MED4: variants seen among roughly 807,000 people sequenced by gnomAD.
The protein encoded by MED4 is mediator of RNA polymerase II transcription subunit 4.
Under a neutral mutation model 35.0 loss-of-function variants are expected in MED4, and 21 were observed. That is an observed-to-expected ratio of 0.60 (90% CI 0.43 to 0.86). The LOEUF is 0.86. MED4 is among the 40% of genes least tolerant of loss of function. The pLI, the probability that MED4 is intolerant of heterozygous loss-of-function variation, is 0.00. For synonymous variants in MED4, 138 were observed against 114.0 expected (o/e 1.21, Z -1.34); for missense variants, 300 against 319.4 (o/e 0.94, Z 0.46).
chr13:48,086,821 G>C (rs112495585), intron 2 of MED4, among the ~76,000 whole-genome samples: 1 of 151,850 alleles, frequency 6.6e-6, no homozygotes, highest in Admixed American at 6.6e-5. Flanking sequence ...AGGCTGATGC[G>C]GGCAGATCAC....
At chr13:48,094,307 G>T (rs991555555) in intron 1 of MED4, among the ~76,000 whole-genome samples, 1 of 152,148 alleles carries the variant, frequency 6.6e-6, no homozygotes, top group Admixed American at 6.5e-5. Context: ...GTCAAGGAAG[G>T]CTTCAACTTG....
At chr13:48,086,785 C>T (rs997788108) in intron 2 of MED4, among the ~76,000 whole-genome samples, 2 of 152,306 alleles carry the variant, frequency 1.3e-5, no homozygotes, top group Admixed American at 6.5e-5. Context: ...CACAGTGACT[C>T]ATGCCTGTAA....
At chr13:48,082,539 G>C (rs2137831534) in intron 4 of MED4, among the ~76,000 whole-genome samples, 1 of 152,224 alleles carries the variant, frequency 6.6e-6, no homozygotes, top group East Asian at 1.9e-4. Context: ...AAGAATATTA[G>C]CTATTTGGCT....
chr13:48,081,156 T>G (rs1274401955), intron 5 of MED4, among the ~76,000 whole-genome samples: 1 of 152,252 alleles, frequency 6.6e-6, no homozygotes, highest in African/African-American at 2.4e-5. Context: ...ACTGTCAATA[T>G]AGTTGCAGCT....
intron 6 of MED4, among the ~76,000 whole-genome samples, chr13:48,079,619 A>C (rs1215327021): frequency 6.6e-6 from 1 of 152,120 alleles, no homozygotes; most frequent in Non-Finnish European, 1.5e-5. Flanking sequence ...ACACACCTGT[A>C]ATCCCAGCTA....
At chr13:48,092,049 TA>T (rs1156277633) in intron 1 of MED4, among the ~76,000 whole-genome samples, 1 of 152,210 alleles carries the variant, frequency 6.6e-6, no homozygotes, top group Non-Finnish European at 1.5e-5. Flanking sequence ...GCCAGGTGGC[TA>T]GGGGTGAGAT....
chr13:48,077,193 A>G lies in MED4; in HGVS notation c.759T>C (p.Asp253=), dbSNP rs146226547. The change falls in exon 7 of 7, where the codon GAT becomes GAC. Residue 253 remains aspartate (D), a synonymous_variant. Transcript: ENST00000258648. ...AGTCCGTTGACATAATCTCTACATC[A>G]TCTTCATTTTCTTTATTATGCCCAG... ...EPPGHNKENE[D]DVEIMSTDSS... 3 of 1,608,872 alleles carry G rather than the reference A, an allele frequency of 1.9e-6. No homozygotes were observed. The highest frequency in any genetic ancestry group is 2.5e-6 in the Non-Finnish European group (3 of 1,178,360).
At chr13:48,077,399 AT>A (rs902230985) in intron 6 of MED4, 88 bp from the exon 7 acceptor site, 100 of 1,110,804 alleles carry the variant, frequency 9.0e-5, no homozygotes, top group Non-Finnish European at 1.1e-4. Context: ...AATTTGAAGT[AT>A]TTTTTTTAAT....
chr13:48,083,444 T>C lies in MED4; in HGVS notation c.364-16A>G, dbSNP rs1950825302. The C allele has an allele frequency of 6.2e-7, 1 of 1,608,212 alleles. No homozygotes were observed. The highest frequency in any genetic ancestry group is 1.7e-5 in the Admixed American group (1 of 59,050). ...CAGCTGTTGCCTAATTTAAACAACA[T>C]TTAAAAAACGTGGTTTATTCTTCAA... On this transcript the variant is annotated splice_polypyrimidine_tract_variant and intron_variant, in intron 3 of 6. Coordinates refer to ENST00000258648, the MANE Select transcript of MED4 (RefSeq NM_014166.4).
At chr13:48,087,104 G>A (rs9591135) in intron 2 of MED4, among the ~76,000 whole-genome samples, 43,634 of 151,488 alleles carry the variant, frequency 0.29, 7,817 homozygotes, top group African/African-American at 0.51. Flanking sequence ...GGTGGCTCAC[G>A]CCTGTAATCC....
chr13:48,081,782 A>G (rs1318641648), intron 4 of MED4, 51 bp from the exon 5 acceptor site: 2 of 1,179,782 alleles, frequency 1.7e-6, no homozygotes, highest in Non-Finnish European at 2.4e-6. Flanking sequence ...CAAACATACA[A>G]GTTTAGAAAT....
intron 2 of MED4, among the ~76,000 whole-genome samples, chr13:48,089,723 C>A (rs573295854): frequency 1.3e-5 from 2 of 152,170 alleles, no homozygotes; most frequent in Non-Finnish European, 2.9e-5. Flanking sequence ...GCACTCTAGC[C>A]TGGGCTACAG....
intron 3 of MED4, 143 bp downstream of exon 3, chr13:48,086,139 A>T: frequency 1.4e-6 from 1 of 714,048 alleles, no homozygotes; most frequent in Non-Finnish European, 2.3e-6. Context: ...TCATTTAACC[A>T]CTGGCAATGG....
chr13:48,084,796 C>T (rs1388495251), intron 3 of MED4, among the ~76,000 whole-genome samples: 1 of 151,634 alleles, frequency 6.6e-6, no homozygotes, highest in African/African-American at 2.4e-5. Flanking sequence ...GTTTGATAAG[C>T]AAGTATTACA....
In MED4 at chr13:48,086,401, A is replaced by G; in HGVS notation, c.244T>C (p.Leu82=). The change falls in exon 3 of 7, where the codon TTG becomes CTG. Residue 82 remains leucine (L), a synonymous_variant. Coordinates refer to ENST00000258648, the MANE Select transcript of MED4 (RefSeq NM_014166.4). ...TGAATTTTTCCCTGATTAAGTGCCA[A>G]TTTCATTAGTTCTTGAAATTCCCCA... ...RDGEFQELMK[L]ALNQGKIHHE... 1.2e-6 allele frequency: 2 copies of G among 1,613,236 alleles called. No homozygotes were observed. The highest frequency in any genetic ancestry group is 1.7e-6 in the Non-Finnish European group (2 of 1,179,786).
At chr13:48,082,603 A>G (rs767568487) in intron 4 of MED4, among the ~76,000 whole-genome samples, 3 of 152,162 alleles carry the variant, frequency 2.0e-5, no homozygotes, top group East Asian at 1.9e-4. Context: ...CGAGGTGGGC[A>G]GATCACGAGG....
Position 48,087,338 on chromosome 13 carries a change from G to A in MED4, c.193-886C>T, listed in dbSNP as rs571074546. On this transcript the variant is annotated intron_variant, in intron 2 of 6. Coordinates refer to ENST00000258648, the MANE Select transcript of MED4 (RefSeq NM_014166.4). Reference sequence around the variant, plus strand: ...GAGATCGCGCCATTGCACTCCAGCCGGGGCAACAAGAGCGAAACTCCATCG... The same window carrying A: ...GAGATCGCGCCATTGCACTCCAGCCAGGGCAACAAGAGCGAAACTCCATCG... 7.9e-5 allele frequency among the ~76,000 whole-genome samples: 12 copies of A among 151,722 alleles called. No homozygotes were observed. The South Asian group carries it at 1.9e-3, about 24-fold the overall frequency.
chr13:48,088,161 C>T (rs890402711), intron 2 of MED4, among the ~76,000 whole-genome samples: 1 of 152,126 alleles, frequency 6.6e-6, no homozygotes, highest in Non-Finnish European at 1.5e-5. Flanking sequence ...GATCACTACC[C>T]CAGTACAGAA....
At chr13:48,094,832 C>T in intron 1 of MED4, 122 bp downstream of exon 1, 1 of 1,422,294 alleles carries the variant, frequency 7.0e-7, no homozygotes, top group Middle Eastern at 2.5e-4. Context: ...CTCATGCACC[C>T]GAAACTCCCG....
Sources: allele counts gnomAD v4.1 joint callset (sites outside exome capture counted in the v4.1 genomes callset), GRCh38; gene constraint gnomAD v4.1.1; transcripts MANE v1.5; gene names NCBI Gene and HGNC (gene_info 2026-07-23, HGNC 2026-07-21).